The following NAV1 variants were observed in gnomAD, a reference collection of about 807,000 sequenced individuals.
NAV1 encodes the protein pore membrane and/or filament interacting like protein 3.
NAV1 carries 18 observed loss-of-function variants against 175.2 expected under a neutral mutation model. That is an observed-to-expected ratio of 0.10 (90% confidence interval 0.07 to 0.15). The LOEUF is 0.15. Among genes scored for constraint, NAV1 ranks in the 10% least tolerant of loss-of-function variants. The probability of loss-of-function intolerance (pLI) is 1.00; values close to 1 mark genes in which losing one functional copy is unlikely to be tolerated. For missense variants in NAV1, 1,731 were observed against 2,436.6 expected (o/e 0.71, Z 6.10); for synonymous variants, 897 against 978.7 (o/e 0.92, Z 1.56).
upstream of NAV1, among the ~76,000 whole-genome samples, chr1:201,619,165 T>G (rs1668084933): frequency 6.6e-6 from 1 of 152,192 alleles, no homozygotes; most frequent in South Asian, 2.1e-4. Context: ...ATCGAGCTTT[T>G]GAAAAAATCA....
Position 201,699,074 on chromosome 1 carries a change from T to G in NAV1, c.758-13743T>G, listed in dbSNP as rs575468565. Among the ~76,000 whole-genome samples the G allele has an allele frequency of 1.2e-4, 19 of 152,366 alleles. No individual in the cohort carries two copies. In the South Asian group the frequency reaches 3.5e-3, roughly 28 times the overall value. ...TCACCGCTCCTATTCAACATAGTGT[T>G]GGAAGTTCTGGCCAGGGCAATCAGG... On this transcript the variant is annotated intron_variant, in intron 1 of 29. Coordinates refer to ENST00000367296, the Ensembl canonical transcript of NAV1.
At chr1:201,768,590 A>C (rs1675361738) in intron 3 of NAV1, among the ~76,000 whole-genome samples, 1 of 150,612 alleles carries the variant, frequency 6.6e-6, no homozygotes, top group Admixed American at 6.6e-5. Flanking sequence ...GTAAGCTGAG[A>C]TCACACCACT....
intron 3 of NAV1, among the ~76,000 whole-genome samples, chr1:201,741,879 A>G (rs758564471): frequency 2.0e-5 from 3 of 152,120 alleles, no homozygotes; most frequent in Non-Finnish European, 4.4e-5. Flanking sequence ...TAGCTATTGA[A>G]TACTCACCTA....
intron 1 of NAV1, among the ~76,000 whole-genome samples, chr1:201,650,888 C>G (rs964405338): frequency 6.6e-6 from 1 of 152,136 alleles, no homozygotes; most frequent in Admixed American, 6.5e-5. Flanking sequence ...CGGAAGCTGA[C>G]CAGGCAGCCT....
At chr1:201,639,700 G>A (rs1020708969) in intron 2 of NAV1, among the ~76,000 whole-genome samples, 2 of 152,138 alleles carry the variant, frequency 1.3e-5, no homozygotes, top group Non-Finnish European at 2.9e-5. Flanking sequence ...CCTCCCAAGA[G>A]CCTTCAACCA....
At chr1:201,781,370 C>T in intron 5 of NAV1, 61 bp downstream of exon 9, 1 of 1,466,702 alleles carries the variant, frequency 6.8e-7, no homozygotes, top group Non-Finnish European at 9.1e-7. Flanking sequence ...TGCTCCTCTT[C>T]TTAGTGGTCA....
At chr1:201,642,863 G>A (rs539859172) in intron 2 of NAV1, among the ~76,000 whole-genome samples, 1 of 151,152 alleles carries the variant, frequency 6.6e-6, no homozygotes, top group East Asian at 2.0e-4. Context: ...TCCACCTCCC[G>A]GATTCACGCC....
At chr1:201,712,008 G>A (rs1036087677) in intron 1 of NAV1, among the ~76,000 whole-genome samples, 1 of 152,216 alleles carries the variant, frequency 6.6e-6, no homozygotes, top group African/African-American at 2.4e-5. Flanking sequence ...GGCTCTTGGT[G>A]ATTTGGGATT....
rs193035179 is a variant in NAV1, at chr1:201,572,561, G to C, written c.-143-15978G>C. Reference sequence around the variant, plus strand: ...TTTTTGTATTTTTAGGAGAGACGGGGGTTTCACCATATTGGCCAGGCTGGT... The same window carrying C: ...TTTTTGTATTTTTAGGAGAGACGGGCGTTTCACCATATTGGCCAGGCTGGT... On this transcript the variant is annotated intron_variant, in intron 1 of 33. Coordinates refer to the NAV1 transcript ENST00000685211. 3.4e-3 allele frequency among the ~76,000 whole-genome samples: 523 copies of C among 151,846 alleles called. 6 individuals carry two copies. Among genetic ancestry groups the C allele is most frequent in the African/African-American group, 0.012 (505 of 41,418 alleles).
At chr1:201,613,370 G>A (rs189568011) in intron 2 of NAV1, among the ~76,000 whole-genome samples, 202 of 151,760 alleles carry the variant, frequency 1.3e-3, no homozygotes, top group African/African-American at 2.1e-3. Context: ...ATAAATTTAC[G>A]TTAAAGGTGA....
chr1:201,718,328 A>G lies in NAV1; in HGVS notation c.861-62A>G, dbSNP rs1672223425. On this transcript the variant is annotated intron_variant, in intron 2 of 29. Coordinates refer to ENST00000367296, the Ensembl canonical transcript of NAV1. The surrounding 1 kb of genome is among the most constrained non-coding windows in gnomAD (Gnocchi z 4.8). ...GGGAGGCATTGCTGGGGTGCATGTG[A>G]GGGGACAGGGCACACGGCGGCTGTG... The G allele has an allele frequency of 7.0e-7, 1 of 1,438,206 alleles. No individual in the cohort carries two copies. The highest frequency in any genetic ancestry group is 1.4e-5 in the African/African-American group (1 of 69,890). 89.1% of individuals were successfully genotyped at this position (1,438,206 alleles called of 1,614,324 possible).
At chr1:201,823,363 C>CAT (rs869164790) in exon 30 of NAV1, 1 of 115,018 alleles carries the variant, frequency 8.7e-6, no homozygotes, top group Admixed American at 8.6e-5. Flanking sequence ...CTGATGTCTG[C>CAT]GTGTGTGTGT....
At chr1:201,594,184 C>T (rs1460697290) in intron 2 of NAV1, among the ~76,000 whole-genome samples, 4 of 151,686 alleles carry the variant, frequency 2.6e-5, no homozygotes, top group Non-Finnish European at 4.4e-5. Flanking sequence ...TACTTCTTTG[C>T]CCATTGGTAG....
intron 15 of NAV1, chr1:201,798,416 G>A (rs899639397): frequency 6.6e-6 from 1 of 152,094 alleles, no homozygotes; most frequent in African/African-American, 2.4e-5. Context: ...CAAGACGGGA[G>A]GTTCACTTTA....
chr1:201,569,892 C>T (rs185887915), intron 1 of NAV1, among the ~76,000 whole-genome samples: 12 of 152,252 alleles, frequency 7.9e-5, no homozygotes, highest in African/African-American at 9.6e-5. Flanking sequence ...AGTGTGTGAT[C>T]GTTGACAAGT....
chr1:201,587,343 A>C lies in NAV1; in HGVS notation c.-143-1196A>C, dbSNP rs1571833983. On this transcript the variant is annotated intron_variant, in intron 1 of 33. Transcript: ENST00000685211. ...AATAACTCAACTCAAATAATGAGAA[A>C]ACATATTTGTAAATCACATATCTGA... 2.0e-5 allele frequency among the ~76,000 whole-genome samples: 3 copies of C among 152,336 alleles called. No individual in the cohort carries two copies. In the East Asian group the frequency reaches 5.8e-4, roughly 29 times the overall value.
At chr1:201,640,928 G>C (rs1668735200) in intron 2 of NAV1, among the ~76,000 whole-genome samples, 1 of 152,220 alleles carries the variant, frequency 6.6e-6, no homozygotes. Context: ...ATGAATCCTT[G>C]GGAAGCACCA....
rs780763798 is a variant in NAV1 at position 201,782,637 on chromosome 1, G to A, written c.2125G>A (p.Gly709Ser). Residue 709 changes from glycine to serine, a missense_variant, in exon 6 of 30, where the codon GGC becomes AGC. Physicochemically the swap from Gly to Ser is moderately conservative, Grantham distance 56 (BLOSUM62 0). This residue lies in a region of NAV1 where 634 missense variants were observed against 766.8 expected (regional missense o/e 0.83). Transcript: ENST00000367296. This position sits in a 1 kb window ranked among gnomAD's most constrained non-coding sequence, Gnocchi z 5.4. ...CAGTCTCCTCAGCACCAAGCAGGGA[G>A]GCCTTACGCCTTCCAGACTGAAGGA... The A allele has an allele frequency of 5.6e-6, 9 of 1,614,004 alleles. No homozygotes were observed. Among genetic ancestry groups the A allele is most frequent in the Middle Eastern group, 1.6e-4 (1 of 6,084 alleles).
intron 3 of NAV1, among the ~76,000 whole-genome samples, chr1:201,753,889 A>G (rs966268258): frequency 6.6e-6 from 1 of 152,226 alleles, no homozygotes; most frequent in Admixed American, 6.5e-5. Context: ...TGACTTTCCC[A>G]ACTACAGAAA....
Sources: allele counts gnomAD v4.1 joint callset (sites outside exome capture counted in the v4.1 genomes callset), GRCh38; gene constraint gnomAD v4.1.1; regional missense constraint gnomAD v4.1.1; non-coding constraint Gnocchi (gnomAD v3.1); transcripts MANE v1.5; gene names NCBI Gene and HGNC (gene_info 2026-07-23, HGNC 2026-07-21).